NEK10: variants seen among roughly 807,000 people sequenced by gnomAD.
NEK10 encodes the protein serine/threonine-protein kinase Nek10.
A neutral mutation model predicts 159.8 loss-of-function variants in NEK10; 122 were observed. That is an observed-to-expected ratio of 0.76 (90% confidence interval 0.66 to 0.89). The LOEUF (loss-of-function observed/expected upper bound fraction) is 0.89, where lower values mean the gene tolerates loss of function less well. Ranked by LOEUF, NEK10 falls within the 40% of genes least tolerant of loss-of-function variation. NEK10 has a pLI of 0.00. For missense variants in NEK10, 1,342 were observed against 1,323.1 expected (o/e 1.01, Z -0.22); for synonymous variants, 466 against 457.1 (o/e 1.02, Z -0.25).
chr3:27,358,988 C>T (rs373572067), intron 1 of NEK10, among the ~76,000 whole-genome samples: 8 of 152,130 alleles, frequency 5.3e-5, no homozygotes, highest in East Asian at 1.9e-4. Flanking sequence ...GCAGATCACC[C>T]GAGGTCAGTT....
Position 27,174,708 on chromosome 3 carries a change from G to GTCT in NEK10, c.2628_2630dup (p.Glu876dup). 1 of 1,613,554 alleles carries GTCT rather than the reference G, an allele frequency of 6.2e-7. No individual in the cohort carries two copies. The highest frequency in any genetic ancestry group is 2.2e-5 in the East Asian group (1 of 44,856). On this transcript the variant is annotated inframe_insertion, in exon 27 of 36. Coordinates refer to ENST00000691995, the MANE Select transcript of NEK10 (RefSeq NM_001394966.1). The stretch of plus-strand genomic sequence containing the variant: ...CTGACAGGATTTCGTCACAGGCCCT[G>GTCT]TCTTCGTCTTTACCATAGGAGGCCT...
intron 32 of NEK10, among the ~76,000 whole-genome samples, chr3:27,130,284 C>G (rs1371600093): frequency 1.3e-5 from 2 of 152,118 alleles, no homozygotes; most frequent in Non-Finnish European, 2.9e-5. Context: ...GTTCTCTCAC[C>G]CATGCTTCCC....
intron 3 of NEK10, among the ~76,000 whole-genome samples, chr3:27,349,061 C>T (rs1319330251): frequency 6.6e-6 from 1 of 152,046 alleles, no homozygotes; most frequent in African/African-American, 2.4e-5. Context: ...AAGGAGCTTA[C>T]AGTCCCATGG....
At position 27,284,860 on chromosome 3, in the gene NEK10, G is replaced by C; in HGVS notation, c.1891C>G (p.Leu631Val). The C allele has an allele frequency of 1.9e-6, 3 of 1,584,672 alleles. No homozygotes were observed. Among genetic ancestry groups the C allele is most frequent in the Non-Finnish European group, 2.6e-6 (3 of 1,154,046 alleles). ...CATACCTGTATAAATATTTTCCATA[G>C]TCTTTCTTCAGTAAAATGGTGATGT... is the stretch of plus-strand genomic sequence containing the variant. ...EKHHHFTEERLWKIFIQLCLA... is the reference protein window; with the variant it reads ...EKHHHFTEERVWKIFIQLCLA... Residue 631 changes from leucine to valine, a missense_variant, in exon 21 of 36, where the codon CTA becomes GTA. Transcript: ENST00000691995.
At chr3:27,249,091 A>T (rs1955398709) in intron 23 of NEK10, among the ~76,000 whole-genome samples, 1 of 152,182 alleles carries the variant, frequency 6.6e-6, no homozygotes, top group African/African-American at 2.4e-5. Context: ...GATATCCCCC[A>T]AGCTGTTCTC....
rs182510920 is a variant in NEK10, at chr3:27,224,497, T to C, written c.2091-21940A>G. Among the ~76,000 whole-genome samples, 247 of 152,328 alleles carry C rather than the reference T, an allele frequency of 1.6e-3. 1 individual carries two copies. Among genetic ancestry groups the C allele is most frequent in the Non-Finnish European group, 2.6e-3 (174 of 68,024 alleles). On this transcript the variant is annotated intron_variant, in intron 23 of 35. Coordinates refer to ENST00000691995, the MANE Select transcript of NEK10 (RefSeq NM_001394966.1). ...TCATCAATGAGAGACAGGAAATGAA[T>C]TATTCTTCCTTCCCTCCCACAATCG... is the stretch of plus-strand genomic sequence containing the variant.
chr3:27,358,592 G>A (rs1456167616), intron 1 of NEK10, among the ~76,000 whole-genome samples: 1 of 152,062 alleles, frequency 6.6e-6, no homozygotes, highest in Non-Finnish European at 1.5e-5. Context: ...CACATGCCAT[G>A]GCAAAATTAC....
Position 27,161,495 on chromosome 3 carries a change from T to C in NEK10, c.2869+1206A>G, listed in dbSNP as rs571523430. Reference sequence around the variant, plus strand: ...TGAATCAAGGAAGCTGAAGTGAAAATAGCATTAAACAATAATCCCAAATTA... The same window carrying C: ...TGAATCAAGGAAGCTGAAGTGAAAACAGCATTAAACAATAATCCCAAATTA... On this transcript the variant is annotated intron_variant, in intron 30 of 35. Transcript: ENST00000691995. 1.4e-4 allele frequency among the ~76,000 whole-genome samples: 21 copies of C among 152,286 alleles called. No individual in the cohort carries two copies. In the South Asian group the frequency reaches 3.1e-3, roughly 23 times the overall value.
At chr3:27,333,484 C>T (rs187983487) in intron 5 of NEK10, among the ~76,000 whole-genome samples, 6 of 151,246 alleles carry the variant, frequency 4.0e-5, no homozygotes, top group South Asian at 2.1e-4. Flanking sequence ...AGGCAGAAGT[C>T]GCAGTGAGCC....
chr3:27,341,758 G>A (rs781152654), intron 5 of NEK10, among the ~76,000 whole-genome samples: 4 of 152,124 alleles, frequency 2.6e-5, no homozygotes, highest in Non-Finnish European at 5.9e-5. Flanking sequence ...TGTGATTTAG[G>A]GAAAAGCTGG....
At chr3:27,119,250 G>A (rs142056759) in intron 33 of NEK10, among the ~76,000 whole-genome samples, 1 of 152,262 alleles carries the variant, frequency 6.6e-6, no homozygotes, top group Non-Finnish European at 1.5e-5. Context: ...CTACTAAATG[G>A]TTTAGCCAAG....
intron 26 of NEK10, among the ~76,000 whole-genome samples, chr3:27,187,854 C>T (rs961046117): frequency 6.6e-6 from 1 of 152,058 alleles, no homozygotes; most frequent in Non-Finnish European, 1.5e-5. Flanking sequence ...ACGTTACCCA[C>T]AGGATTTAAT....
intron 32 of NEK10, among the ~76,000 whole-genome samples, chr3:27,124,827 G>A (rs948056293): frequency 6.6e-6 from 1 of 152,194 alleles, no homozygotes; most frequent in Non-Finnish European, 1.5e-5. Flanking sequence ...AAATATGGAG[G>A]ACACAGCAGA....
chr3:27,283,687 C>G (rs745385573), intron 22 of NEK10, among the ~76,000 whole-genome samples: 6 of 152,176 alleles, frequency 3.9e-5, no homozygotes, highest in Non-Finnish European at 8.8e-5. Flanking sequence ...AATTCAACAA[C>G]TGGGAGGAGA....
At chr3:27,322,116 A>G (rs2045682356) in intron 6 of NEK10, 61 bp downstream of exon 6, 2 of 845,704 alleles carry the variant, frequency 2.4e-6, no homozygotes, top group African/African-American at 1.7e-5. Flanking sequence ...AGAAAAGCCC[A>G]CCAGTCTTTT....
chr3:27,166,068 A>G (rs1370483685), intron 29 of NEK10, among the ~76,000 whole-genome samples: 2 of 152,270 alleles, frequency 1.3e-5, no homozygotes, highest in East Asian at 3.8e-4. Context: ...GGTTTGGCTT[A>G]CAATAGTAAG....
chr3:27,230,588 A>G (rs575938825), intron 23 of NEK10, among the ~76,000 whole-genome samples: 32 of 152,128 alleles, frequency 2.1e-4, no homozygotes, highest in African/African-American at 6.7e-4. Context: ...GAATGGATAG[A>G]AAACAACCAA....
chr3:27,129,000 C>A (rs1452603966), intron 32 of NEK10, among the ~76,000 whole-genome samples: 1 of 152,102 alleles, frequency 6.6e-6, no homozygotes, highest in African/African-American at 2.4e-5. Context: ...ATCATGAACT[C>A]ATATTCATTC....
At chr3:27,235,408 C>G (rs1953798003) in intron 23 of NEK10, among the ~76,000 whole-genome samples, 1 of 152,040 alleles carries the variant, frequency 6.6e-6, no homozygotes, top group African/African-American at 2.4e-5. Flanking sequence ...GGAGCTTAAA[C>G]AAATTTACAA....
Sources: gnomAD v4.1 joint callset for allele counts (sites outside exome capture counted in the v4.1 genomes callset) on GRCh38, gnomAD v4.1.1 for gene constraint, MANE v1.5 for transcripts, NCBI Gene and HGNC (gene_info 2026-07-23, HGNC 2026-07-21) for gene names.